The following NAV1 variants were observed in gnomAD, a reference collection of about 807,000 sequenced individuals.
NAV1 encodes pore membrane and/or filament interacting like protein 3.
In NAV1, 18 loss-of-function variants were observed where a neutral mutation model predicts 175.2. The observed-to-expected ratio is 0.10, with a 90% CI of 0.07 to 0.15. NAV1 has a LOEUF of 0.15. Ranked by LOEUF, NAV1 falls within the 10% of genes least tolerant of loss-of-function variation. The probability of loss-of-function intolerance (pLI) is 1.00; values close to 1 mark genes in which losing one functional copy is unlikely to be tolerated. For missense variants in NAV1, 1,731 were observed against 2,436.6 expected (o/e 0.71, Z 6.10); for synonymous variants, 897 against 978.7 (o/e 0.92, Z 1.56).
intron 2 of NAV1, among the ~76,000 whole-genome samples, chr1:201,607,146 C>T (rs1232929844): frequency 8.3e-5 from 12 of 144,768 alleles, no homozygotes; most frequent in African/African-American, 3.1e-4. Context: ...GATGGAGTCT[C>T]CCTCTGTCAC....
exon 30 of NAV1, chr1:201,821,757 G>A (rs1461346700): frequency 1.3e-5 from 2 of 152,190 alleles, no homozygotes; most frequent in East Asian, 1.9e-4. Context: ...AAGGACTATG[G>A]AATCTTGCTT....
At chr1:201,540,477 T>C (rs752215980) in intron 1 of NAV1, among the ~76,000 whole-genome samples, 50 of 152,192 alleles carry the variant, frequency 3.3e-4, no homozygotes, top group Non-Finnish European at 6.8e-4. Flanking sequence ...TCCCCCTACA[T>C]GAAGTCCCCG....
intron 1 of NAV1, among the ~76,000 whole-genome samples, chr1:201,651,486 A>G (rs1293104028): frequency 6.6e-6 from 1 of 152,134 alleles, no homozygotes; most frequent in Non-Finnish European, 1.5e-5. Flanking sequence ...CCTGCTTAGC[A>G]GTTGTCACTT....
chr1:201,622,850 C>A, upstream of NAV1: 1 of 985,988 alleles, frequency 1.0e-6, no homozygotes, highest in Non-Finnish European at 1.2e-6. Flanking sequence ...TCTCTCCCTG[C>A]AGGACAGTAG....
chr1:201,705,697 T>C (rs1313177317), intron 1 of NAV1, among the ~76,000 whole-genome samples: 3 of 152,074 alleles, frequency 2.0e-5, no homozygotes, highest in Non-Finnish European at 4.4e-5. Context: ...TCCATGGAAA[T>C]GGGGTGCCTC....
exon 30 of NAV1, chr1:201,819,933 G>A (rs1456387076): frequency 6.2e-7 from 1 of 1,614,114 alleles, no homozygotes. Flanking sequence ...AACACTTTAA[G>A]GGTTCGGCAA....
intron 15 of NAV1, among the ~76,000 whole-genome samples, chr1:201,802,923 G>A (rs895522185): frequency 6.6e-6 from 1 of 152,148 alleles, no homozygotes; most frequent in African/African-American, 2.4e-5. Context: ...GTTCCTCAAA[G>A]CAAAGCCAGT....
At chr1:201,621,415 C>A (rs1313597198), upstream of NAV1, among the ~76,000 whole-genome samples, 1 of 148,584 alleles carries the variant, frequency 6.7e-6, no homozygotes, top group Non-Finnish European at 1.5e-5. Context: ...CTCACTGCAA[C>A]CTCCACCTCC....
In NAV1 at chr1:201,600,583, G is replaced by A. The variant is rs530595950; in HGVS notation, c.-33+11934G>A. Among the ~76,000 whole-genome samples, 20 of 152,244 alleles carry A rather than the reference G, an allele frequency of 1.3e-4. No homozygotes were observed. In the East Asian group the frequency reaches 1.7e-3, roughly 13 times the overall value. ...AAAATTAGGGGAAACTGGGTGAAGC[G>A]TAGATGGGAACTCTGTACTATCTTT... On this transcript the variant is annotated intron_variant, in intron 2 of 33. Transcript: ENST00000685211.
intron 1 of NAV1, among the ~76,000 whole-genome samples, chr1:201,547,240 C>T (rs183729779): frequency 3.9e-5 from 6 of 152,202 alleles, no homozygotes; most frequent in African/African-American, 1.2e-4. Flanking sequence ...ACGCCCACCT[C>T]GGCCTCCCAA....
chr1:201,663,753 G>A (rs1238669982), intron 1 of NAV1, among the ~76,000 whole-genome samples: 1 of 152,180 alleles, frequency 6.6e-6, no homozygotes, highest in Non-Finnish European at 1.5e-5. Flanking sequence ...CTGGAGCTAG[G>A]GTATTGGGTT....
chr1:201,819,805 T>G (rs373425824), intron 29 of NAV1, 32 bp from the exon 34 acceptor site: 2 of 1,599,054 alleles, frequency 1.3e-6, no homozygotes, highest in African/African-American at 1.3e-5. Context: ...GAGTCCCAAC[T>G]CTCATAAATC....
At chr1:201,551,682 G>A (rs1205469332) in intron 1 of NAV1, among the ~76,000 whole-genome samples, 4 of 152,172 alleles carry the variant, frequency 2.6e-5, no homozygotes, top group African/African-American at 9.7e-5. Flanking sequence ...CTACTTTAAA[G>A]TACACCACCA....
At chr1:201,758,580 C>G (rs995425432) in intron 3 of NAV1, among the ~76,000 whole-genome samples, 2 of 152,158 alleles carry the variant, frequency 1.3e-5, no homozygotes, top group African/African-American at 4.8e-5. Context: ...ACTACTGAGG[C>G]GCAAGGTAGA....
At position 201,694,383 on chromosome 1, in the gene NAV1, C is replaced by T. The variant is rs1671097231; in HGVS notation, c.758-18434C>T. ...GCTGATTTCCCATCGCTTCTCTCAT[C>T]CCTCCTTCTGAGCCTAGGGTGCCCC... On this transcript the variant is annotated intron_variant, in intron 1 of 29. Coordinates refer to ENST00000367296, the Ensembl canonical transcript of NAV1. This position sits in a 1 kb window ranked among gnomAD's most constrained non-coding sequence, Gnocchi z 4.2. Among the ~76,000 whole-genome samples, 1 of 152,200 alleles carries T rather than the reference C, an allele frequency of 6.6e-6. No homozygotes were observed. Among genetic ancestry groups the T allele is most frequent in the Non-Finnish European group, 1.5e-5 (1 of 68,038 alleles).
intron 1 of NAV1, among the ~76,000 whole-genome samples, chr1:201,664,525 G>C (rs550609925): frequency 2.0e-5 from 3 of 152,342 alleles, no homozygotes; most frequent in African/African-American, 7.2e-5. Context: ...ACAGTGCCTA[G>C]CAAATGAAAA....
At chr1:201,682,682 C>T (rs1183155987) in intron 1 of NAV1, among the ~76,000 whole-genome samples, 1 of 151,844 alleles carries the variant, frequency 6.6e-6, no homozygotes, top group Non-Finnish European at 1.5e-5. Context: ...TTTTCACATC[C>T]CGGGAATACT....
chr1:201,646,031 C>A (rs1014624341), upstream of NAV1, among the ~76,000 whole-genome samples: 2 of 152,162 alleles, frequency 1.3e-5, no homozygotes, highest in Non-Finnish European at 2.9e-5. Context: ...AAAGATTTGG[C>A]ACCAAAGATG....
At chr1:201,745,822 A>G (rs1673731466) in intron 3 of NAV1, among the ~76,000 whole-genome samples, 1 of 152,020 alleles carries the variant, frequency 6.6e-6, no homozygotes, top group Non-Finnish European at 1.5e-5. Context: ...AGGGAAGTTA[A>G]TTTTATTGTA....
Sources: gnomAD v4.1 joint callset for allele counts (sites outside exome capture counted in the v4.1 genomes callset) on GRCh38, gnomAD v4.1.1 for gene constraint, Gnocchi (gnomAD v3.1) non-coding constraint, MANE v1.5 for transcripts, NCBI Gene and HGNC (gene_info 2026-07-23, HGNC 2026-07-21) for gene names.